ZDHHC13: variants seen among roughly 807,000 people sequenced by gnomAD.
ZDHHC13 encodes the protein zDHHC palmitoyltransferase 13.
ZDHHC13 carries 85 observed loss-of-function variants against 86.0 expected under a neutral mutation model. That is an observed-to-expected ratio of 0.99 (90% CI 0.83 to 1.18). ZDHHC13 has a LOEUF of 1.18. Ranked by LOEUF, ZDHHC13 falls within the 50% of genes most tolerant of loss-of-function variation. ZDHHC13 has a pLI of 0.00. For synonymous variants in ZDHHC13, 263 were observed against 246.4 expected (o/e 1.07, Z -0.63); for missense variants, 711 against 730.2 (o/e 0.97, Z 0.30).
chr11:19,164,749 A>G, intron 12 of ZDHHC13: 1 of 425,632 alleles, frequency 2.3e-6, no homozygotes, highest in East Asian at 4.4e-5. Context: ...TGGTGGTGCT[A>G]AAAATGGAAC....
chr11:19,134,822 G>A (rs762640882), intron 1 of ZDHHC13, among the ~76,000 whole-genome samples: 36 of 152,134 alleles, frequency 2.4e-4, no homozygotes, highest in Non-Finnish European at 4.4e-4. Context: ...AAACCTGCAC[G>A]TTCTGCACAT....
intron 1 of ZDHHC13, among the ~76,000 whole-genome samples, chr11:19,131,077 G>A (rs940099846): frequency 5.3e-5 from 8 of 152,008 alleles, no homozygotes; most frequent in Non-Finnish European, 1.2e-4. Context: ...GGAGTGCAGT[G>A]GCGCGATCTC....
chr11:19,157,641 A>G (rs1849794756), intron 9 of ZDHHC13, among the ~76,000 whole-genome samples: 1 of 152,236 alleles, frequency 6.6e-6, no homozygotes, highest in Admixed American at 6.5e-5. Context: ...AATAAATTTT[A>G]AGCCAAATCA....
intron 14 of ZDHHC13, chr11:19,168,074 C>A: frequency 6.6e-6 from 1 of 152,362 alleles, no homozygotes; most frequent in South Asian, 2.1e-4. Flanking sequence ...CTCAGCTTCC[C>A]AAAGTGAAGT....
intron 4 of ZDHHC13, 113 bp from the exon 5 acceptor site, chr11:19,149,074 G>A (rs1030344257): frequency 2.0e-6 from 2 of 1,004,244 alleles, no homozygotes; most frequent in African/African-American, 3.3e-5. Context: ...TTACTGTTAG[G>A]AAATATTTTT....
intron 16 of ZDHHC13, among the ~76,000 whole-genome samples, chr11:19,175,147 G>T (rs1394524597): frequency 6.6e-6 from 1 of 151,956 alleles, no homozygotes; most frequent in Non-Finnish European, 1.5e-5. Context: ...CCAGCACTTT[G>T]GGAGGCTGAG....
rs149739194 is a variant in ZDHHC13, at chr11:19,133,352, C to CATATATATATATATATATAT, written c.28-9609_28-9608insTATATATATATATATATATA. Among the ~76,000 whole-genome samples, 62 of 144,894 alleles carry CATATATATATATATATATAT rather than the reference C, an allele frequency of 4.3e-4. 1 individual carries two copies. Among genetic ancestry groups the CATATATATATATATATATAT allele is most frequent in the African/African-American group, 1.5e-3 (59 of 39,596 alleles). On this transcript the variant is annotated intron_variant, in intron 1 of 16. Transcript: ENST00000446113. Reference sequence around the variant, plus strand: ...GATATATGCTTTTGAGAATTGTTTACATATATATATATATATACCCACACA... The same window carrying CATATATATATATATATATAT: ...GATATATGCTTTTGAGAATTGTTTACATATATATATATATATATATATATATATATATATATACCCACACA...
chr11:19,131,180 G>A (rs1459310052), intron 1 of ZDHHC13, among the ~76,000 whole-genome samples: 2 of 152,032 alleles, frequency 1.3e-5, no homozygotes, highest in African/African-American at 2.4e-5. Context: ...CACCATGCCC[G>A]GCTAATTTTT....
At chr11:19,175,052 TA>T (rs1180588624) in intron 16 of ZDHHC13, among the ~76,000 whole-genome samples, 1 of 152,092 alleles carries the variant, frequency 6.6e-6, no homozygotes, top group Non-Finnish European at 1.5e-5. Flanking sequence ...CAAGATGAAT[TA>T]AAAGGAATTG....
chr11:19,149,147 TC>T, intron 4 of ZDHHC13, 39 bp from the exon 5 acceptor site: 1 of 1,429,264 alleles, frequency 7.0e-7, no homozygotes, highest in Non-Finnish European at 9.3e-7. Context: ...TTTTGCTTTT[TC>T]TGCATGCTAC....
intron 1 of ZDHHC13, among the ~76,000 whole-genome samples, chr11:19,125,710 A>T (rs1440678321): frequency 1.3e-5 from 2 of 152,228 alleles, no homozygotes; most frequent in African/African-American, 2.4e-5. Flanking sequence ...GTTTGGATAG[A>T]TTATCTGTGA....
Position 19,149,241 on chromosome 11 carries a change from T to A in ZDHHC13, c.429T>A (p.Thr143=). 6.2e-7 allele frequency: 1 copy of A among 1,606,168 alleles called. No individual in the cohort carries two copies. Among genetic ancestry groups the A allele is most frequent in the Non-Finnish European group, 8.5e-7 (1 of 1,175,494 alleles). The change falls in exon 5 of 17, where the codon ACT becomes ACA. Residue 143 remains threonine, a synonymous_variant. Transcript: ENST00000446113. ...TACTCCAGCATGGTGCAGACCCCAC[T>A]CTTATTGATGGAGAGGGATTCAGCA... ...ILLLQHGADP[T]LIDGEGFSSI... is the part of the protein sequence containing the mutation.
chr11:19,141,780 CTAAGA>C (rs993485051), intron 1 of ZDHHC13, among the ~76,000 whole-genome samples: 15 of 149,806 alleles, frequency 1.0e-4, no homozygotes, highest in Non-Finnish European at 1.8e-4. Flanking sequence ...AATGACAAAT[CTAAGA>C]TAATTGTTTA....
chr11:19,159,407 G>A (rs1037073715), intron 10 of ZDHHC13, among the ~76,000 whole-genome samples: 4 of 151,998 alleles, frequency 2.6e-5, no homozygotes, highest in African/African-American at 7.3e-5. Context: ...GTACTAAGAC[G>A]GACTGCATGA....
chr11:19,163,811 C>T (rs986997049), intron 11 of ZDHHC13, among the ~76,000 whole-genome samples: 1 of 152,118 alleles, frequency 6.6e-6, no homozygotes, highest in Non-Finnish European at 1.5e-5. Flanking sequence ...TGCCCCTCCT[C>T]CTCCTCAAAT....
At chr11:19,163,835 A>G (rs1288055631) in intron 11 of ZDHHC13, among the ~76,000 whole-genome samples, 1 of 152,196 alleles carries the variant, frequency 6.6e-6, no homozygotes, top group Non-Finnish European at 1.5e-5. Flanking sequence ...AAGTTGTCAG[A>G]TGACATGGCA....
chr11:19,150,511 A>G lies in ZDHHC13; in HGVS notation c.520-216A>G, dbSNP rs145104800. On this transcript the variant is annotated intron_variant, in intron 5 of 16. Transcript: ENST00000446113. Reference sequence around the variant, plus strand: ...TTCACATCATATAACACTTTACATTATATATTCAGATTTTCTTTTTAAAAA... The same window carrying G: ...TTCACATCATATAACACTTTACATTGTATATTCAGATTTTCTTTTTAAAAA... Among the ~76,000 whole-genome samples, 104 of 152,220 alleles carry G rather than the reference A, an allele frequency of 6.8e-4. 1 individual carries two copies. The East Asian group carries it at 0.019, about 28-fold the overall frequency.
At chr11:19,139,172 C>G (rs1045947535) in intron 1 of ZDHHC13, among the ~76,000 whole-genome samples, 1 of 151,728 alleles carries the variant, frequency 6.6e-6, no homozygotes, top group African/African-American at 2.4e-5. Context: ...ACCCCATTGT[C>G]TCAGCCCAAA....
chr11:19,137,638 C>G (rs1160675462), intron 1 of ZDHHC13, among the ~76,000 whole-genome samples: 9 of 152,168 alleles, frequency 5.9e-5, no homozygotes, highest in Non-Finnish European at 1.2e-4. Flanking sequence ...CACACCACAC[C>G]TATTCCAAAA....
Sources: gnomAD v4.1 joint callset for allele counts (sites outside exome capture counted in the v4.1 genomes callset) on GRCh38, gnomAD v4.1.1 for gene constraint, MANE v1.5 for transcripts, NCBI Gene and HGNC (gene_info 2026-07-23, HGNC 2026-07-21) for gene names.